The following JAK1 variants were observed in gnomAD, a reference collection of about 807,000 sequenced individuals.
JAK1 encodes the protein Janus kinase 1, also known as tyrosine-protein kinase JAK1.
Under a neutral mutation model 136.6 loss-of-function variants are expected in JAK1, and 16 were observed. The observed-to-expected ratio is 0.12, with a 90% CI of 0.08 to 0.18. JAK1 has a LOEUF of 0.18. JAK1 is among the 10% of genes least tolerant of loss of function. JAK1 has a pLI of 1.00. For missense variants in JAK1, 859 were observed against 1,450.1 expected, an observed-to-expected ratio of 0.59 and a Z score of 6.62; for synonymous variants, 492 against 519.5, an observed-to-expected ratio of 0.95 and a Z score of 0.72.
intron 1 of JAK1, among the ~76,000 whole-genome samples, chr1:64,902,873 C>T (rs768872889): frequency 2.0e-5 from 3 of 152,026 alleles, no homozygotes; most frequent in Non-Finnish European, 2.9e-5. Context: ...GCTTCCTTTG[C>T]GGCAAGATAT....
At chr1:64,973,740 T>C (rs778693131) in intron 2 of JAK1, 19 of 151,924 alleles carry the variant, frequency 1.3e-4, no homozygotes, top group Non-Finnish European at 2.1e-4. Context: ...CACTAACCCA[T>C]TGAATCAGCT....
chr1:64,839,904 G>C, intron 19 of JAK1, 109 bp from the exon 20 acceptor site: 1 of 877,636 alleles, frequency 1.1e-6, no homozygotes, highest in Non-Finnish European at 1.7e-6. Flanking sequence ...AGGGGTTCTC[G>C]CTGTCTGGCC....
At chr1:64,836,449 C>T (rs1570600945) in intron 22 of JAK1, among the ~76,000 whole-genome samples, 2 of 152,160 alleles carry the variant, frequency 1.3e-5, no homozygotes, top group East Asian at 3.9e-4. Context: ...AAATAACACG[C>T]CAAGTCTGTG....
intron 1 of JAK1, among the ~76,000 whole-genome samples, chr1:64,909,753 G>A (rs1322231607): frequency 2.0e-5 from 3 of 152,112 alleles, no homozygotes; most frequent in Non-Finnish European, 4.4e-5. Context: ...GAGCCTGGGA[G>A]GTCGAGGCTG....
intron 1 of JAK1, among the ~76,000 whole-genome samples, chr1:65,056,029 T>C (rs1057016133): frequency 6.6e-6 from 1 of 152,230 alleles, no homozygotes; most frequent in Non-Finnish European, 1.5e-5. Flanking sequence ...ACATAACTTC[T>C]TGAAGCACTT....
intron 1 of JAK1, among the ~76,000 whole-genome samples, chr1:64,943,671 C>A (rs1645929528): frequency 6.6e-6 from 1 of 151,818 alleles, no homozygotes; most frequent in Non-Finnish European, 1.5e-5. Context: ...AAACATGACA[C>A]CAAAAGCAGA....
intron 2 of JAK1, among the ~76,000 whole-genome samples, chr1:65,007,044 T>G (rs960743491): frequency 2.5e-4 from 38 of 152,180 alleles, no homozygotes; most frequent in African/African-American, 9.2e-4. Context: ...GTGGACCTAA[T>G]AGCCAAGCAA....
intron 8 of JAK1, among the ~76,000 whole-genome samples, chr1:64,863,554 G>A (rs1557644902): frequency 6.6e-6 from 1 of 151,802 alleles, no homozygotes; most frequent in Non-Finnish European, 1.5e-5. Flanking sequence ...AAAAAGGAGG[G>A]GAGAATAAGA....
intron 13 of JAK1, chr1:64,846,991 G>T: frequency 1.9e-6 from 1 of 528,726 alleles, no homozygotes. Flanking sequence ...GGGAGAAGCT[G>T]GCTAAGAATT....
At chr1:64,998,050 A>G (rs1646719889) in intron 2 of JAK1, among the ~76,000 whole-genome samples, 1 of 152,270 alleles carries the variant, frequency 6.6e-6, no homozygotes, top group Admixed American at 6.5e-5. Flanking sequence ...TAAAAAGTCA[A>G]ACAAGTTAAA....
chr1:64,885,059 T>A (rs1644831472), intron 2 of JAK1, among the ~76,000 whole-genome samples: 1 of 152,184 alleles, frequency 6.6e-6, no homozygotes, highest in Non-Finnish European at 1.5e-5. Context: ...TGAGGAGAGA[T>A]TCTGAAAAGA....
rs1056153672 is a variant in JAK1, at chr1:64,844,275, C to T, written c.2252-60G>A. On this transcript the variant is annotated intron_variant, in intron 16 of 24. Transcript: ENST00000342505. This position sits in a 1 kb window ranked among gnomAD's most constrained non-coding sequence, Gnocchi z 5.7. ...CTGGGATCTCCTAGGGATTCAATTA[C>T]TGTCACTGCAGCCAGAACAGTGAGC... is the stretch of plus-strand genomic sequence containing the variant. 56 of 1,595,352 alleles carry T rather than the reference C, an allele frequency of 3.5e-5. No individual in the cohort carries two copies. Among genetic ancestry groups the T allele is most frequent in the Non-Finnish European group, 4.8e-5 (56 of 1,163,250 alleles).
At chr1:64,892,063 G>T (rs755174854) in intron 1 of JAK1, among the ~76,000 whole-genome samples, 2 of 152,232 alleles carry the variant, frequency 1.3e-5, no homozygotes, top group Admixed American at 6.5e-5. Flanking sequence ...AAGCCACATT[G>T]TACCAAGAGA....
intron 2 of JAK1, among the ~76,000 whole-genome samples, chr1:65,002,855 G>A (rs1646772461): frequency 6.6e-6 from 1 of 152,174 alleles, no homozygotes; most frequent in African/African-American, 2.4e-5. Context: ...GCGCTGTGGC[G>A]GGCGGGCAGT....
chr1:65,037,298 T>A (rs1402997030), intron 2 of JAK1, among the ~76,000 whole-genome samples: 1 of 152,248 alleles, frequency 6.6e-6, no homozygotes, highest in East Asian at 1.9e-4. Flanking sequence ...CAAAATCATA[T>A]GAAGTTTTTT....
At chr1:64,912,431 C>T (rs1291617365) in intron 1 of JAK1, among the ~76,000 whole-genome samples, 2 of 152,328 alleles carry the variant, frequency 1.3e-5, no homozygotes, top group East Asian at 3.9e-4. Context: ...TAAGGGCATA[C>T]ACATTGCAAT....
chr1:65,027,986 C>G (rs1270795690), intron 2 of JAK1, among the ~76,000 whole-genome samples: 3 of 152,204 alleles, frequency 2.0e-5, no homozygotes, highest in Non-Finnish European at 4.4e-5. Context: ...CCATTCTGCT[C>G]TTACCTATAA....
At chr1:65,009,287 CA>C (rs1398381862) in intron 2 of JAK1, among the ~76,000 whole-genome samples, 1 of 151,982 alleles carries the variant, frequency 6.6e-6, no homozygotes, top group East Asian at 1.9e-4. Context: ...TAAAATATTT[CA>C]AAAATGCATA....
chr1:64,850,771 A>G (rs199541783), intron 12 of JAK1, 33 bp downstream of exon 12: 95 of 1,463,014 alleles, frequency 6.5e-5, no homozygotes, highest in Non-Finnish European at 7.5e-5. Flanking sequence ...AGGCAGGACC[A>G]CAGCTGGCCC....
Sources: allele counts gnomAD v4.1 joint callset (sites outside exome capture counted in the v4.1 genomes callset), GRCh38; gene constraint gnomAD v4.1.1; non-coding constraint Gnocchi (gnomAD v3.1); transcripts MANE v1.5; gene names NCBI Gene and HGNC (gene_info 2026-07-23, HGNC 2026-07-21).